The following MARCHF1 variants were observed in gnomAD, a reference collection of about 807,000 sequenced individuals.
The protein encoded by MARCHF1 is E3 ubiquitin-protein ligase MARCHF1.
MARCHF1 carries 40 observed loss-of-function variants against 54.2 expected under a neutral mutation model. The ratio of observed to expected loss-of-function variants is 0.74; its 90% CI spans 0.57 to 0.96. The LOEUF (loss-of-function observed/expected upper bound fraction) is 0.96. Ranked by LOEUF, MARCHF1 falls within the 40% of genes least tolerant of loss-of-function variation. The pLI is 0.00. For missense variants in MARCHF1, 586 were observed against 656.5 expected, an observed-to-expected ratio of 0.89 and a Z score of 1.17; for synonymous variants, 236 against 236.3, an observed-to-expected ratio of 1.00 and a Z score of 0.01.
At chr4:164,190,174 A>C (rs536190802) in intron 1 of MARCHF1, 1 of 1,566,896 alleles carries the variant, frequency 6.4e-7, no homozygotes, top group Admixed American at 1.9e-5. Context: ...GTAGAAGAAA[A>C]GATTGAATGG....
intron 1 of MARCHF1, among the ~76,000 whole-genome samples, chr4:164,114,420 C>A (rs906368780): frequency 6.6e-6 from 1 of 151,680 alleles, no homozygotes; most frequent in Non-Finnish European, 1.5e-5. Flanking sequence ...TACATAAACA[C>A]AATTAGCATT....
intron 3 of MARCHF1, among the ~76,000 whole-genome samples, chr4:163,940,551 T>C (rs4317163): frequency 0.85 from 128,589 of 152,100 alleles, 54,743 homozygotes; most frequent in East Asian, 0.93. Flanking sequence ...ATGTCCACCA[T>C]TGGATCTTTG....
intron 2 of MARCHF1, among the ~76,000 whole-genome samples, chr4:163,994,271 T>TGTGTGC (rs1444239862): frequency 1.3e-5 from 2 of 149,438 alleles, no homozygotes; most frequent in Non-Finnish European, 3.0e-5. Context: ...TGTGTGTGTG[T>TGTGTGC]GTGTGTGTGT....
intron 4 of MARCHF1, among the ~76,000 whole-genome samples, chr4:163,712,796 G>T (rs1040626948): frequency 1.3e-5 from 2 of 152,066 alleles, no homozygotes; most frequent in Non-Finnish European, 2.9e-5. Flanking sequence ...TTCAGGTTTT[G>T]CCCTCAGTGT....
chr4:164,031,226 GTA>G (rs1399984496), intron 2 of MARCHF1, among the ~76,000 whole-genome samples: 1 of 151,996 alleles, frequency 6.6e-6, no homozygotes, highest in Admixed American at 6.6e-5. Context: ...TTTTGGGATG[GTA>G]TATGTGTCCA....
At chr4:163,840,560 A>T (rs947900558) in intron 4 of MARCHF1, among the ~76,000 whole-genome samples, 1 of 152,032 alleles carries the variant, frequency 6.6e-6, no homozygotes, top group African/African-American at 2.4e-5. Context: ...CTTGAAAACG[A>T]GAAGGCAGAA....
intron 4 of MARCHF1, among the ~76,000 whole-genome samples, chr4:163,710,142 C>A (rs2111253640): frequency 6.6e-6 from 1 of 152,148 alleles, no homozygotes; most frequent in South Asian, 2.1e-4. Context: ...GCAATTGTGA[C>A]CAGAAGGCTA....
intron 1 of MARCHF1, among the ~76,000 whole-genome samples, chr4:164,245,358 A>T (rs550390338): frequency 1.5e-4 from 23 of 152,266 alleles, no homozygotes; most frequent in Non-Finnish European, 3.1e-4. Context: ...CCACATGATT[A>T]TCTCAATAGA....
intron 5 of MARCHF1, among the ~76,000 whole-genome samples, chr4:163,616,396 C>A (rs1021179078): frequency 6.6e-6 from 1 of 152,046 alleles, no homozygotes; most frequent in Non-Finnish European, 1.5e-5. Context: ...GGAACCCAAA[C>A]AGCTTAACAG....
intron 2 of MARCHF1, among the ~76,000 whole-genome samples, chr4:164,014,189 T>C (rs1305294920): frequency 1.3e-5 from 1 of 78,326 alleles, no homozygotes; most frequent in Non-Finnish European, 2.7e-5. Context: ...AGACTGCATC[T>C]CAAAAAAAAA....
intron 2 of MARCHF1, among the ~76,000 whole-genome samples, chr4:164,066,710 ATTT>A (rs1374764099): frequency 2.0e-5 from 3 of 152,198 alleles, no homozygotes; most frequent in Middle Eastern, 3.2e-3. Context: ...GAGATCATGT[ATTT>A]TGCAGGGACA....
intron 3 of MARCHF1, among the ~76,000 whole-genome samples, chr4:163,859,098 T>C (rs1749850210): frequency 6.6e-6 from 1 of 152,194 alleles, no homozygotes; most frequent in Non-Finnish European, 1.5e-5. Flanking sequence ...GAGGAGTTCT[T>C]TTCTGAATAA....
At chr4:164,201,962 C>T (rs1032563060) in intron 1 of MARCHF1, among the ~76,000 whole-genome samples, 2 of 152,178 alleles carry the variant, frequency 1.3e-5, no homozygotes, top group African/African-American at 2.4e-5. Flanking sequence ...TATGTTTCTA[C>T]TCAATTAAAC....
At chr4:163,934,399 T>G (rs537743607) in intron 3 of MARCHF1, among the ~76,000 whole-genome samples, 1 of 123,082 alleles carries the variant, frequency 8.1e-6, no homozygotes. Context: ...TCTCTGCAAT[T>G]TTTTTTTTAA....
At chr4:164,027,209 A>C (rs1463239995) in intron 2 of MARCHF1, among the ~76,000 whole-genome samples, 2 of 151,736 alleles carry the variant, frequency 1.3e-5, no homozygotes, top group African/African-American at 4.8e-5. Flanking sequence ...TACCAGCATA[A>C]TTTTTCACAG....
intron 2 of MARCHF1, among the ~76,000 whole-genome samples, chr4:164,062,598 C>G (rs2111071294): frequency 6.6e-6 from 1 of 152,232 alleles, no homozygotes; most frequent in East Asian, 1.9e-4. Flanking sequence ...GATCTCGGCT[C>G]ACTGCAACCT....
chr4:163,613,011 T>C lies in MARCHF1; in HGVS notation c.270A>G (p.Glu90=). The C allele has an allele frequency of 6.6e-7, 1 of 1,512,666 alleles. No individual in the cohort carries two copies. Among genetic ancestry groups the C allele is most frequent in the Non-Finnish European group, 8.8e-7 (1 of 1,139,056 alleles). The allele number at this position is 1,512,666 out of a possible 1,614,324, so 93.7% of individuals were successfully genotyped here. A position where few individuals can be genotyped will look rare whatever the true frequency, so the allele number is the denominator to read the frequency against. ...CRSAILHDMS[E]ESFEYCTPVM... The stretch of plus-strand genomic sequence containing the variant: ...CAGGGGTGCAATACTCAAATGACTC[T>C]TCTGACATGTCATGCAAGATGGCAG... The change falls in exon 7 of 10, where the codon GAA becomes GAG. Residue 90 remains glutamate (E), a synonymous_variant. Transcript: ENST00000514618.
chr4:164,194,333 CA>C (rs1731197048), intron 1 of MARCHF1, among the ~76,000 whole-genome samples: 1 of 152,020 alleles, frequency 6.6e-6, no homozygotes, highest in South Asian at 2.1e-4. Context: ...CTTTAAGAAA[CA>C]GATTAAGGGC....
At chr4:164,219,225 ATATT>A (rs201354333) in intron 1 of MARCHF1, among the ~76,000 whole-genome samples, 1 of 66,168 alleles carries the variant, frequency 1.5e-5, no homozygotes, top group Non-Finnish European at 2.6e-5. Context: ...TTAAAATTAA[ATATT>A]TATATAGTTA....
Sources: gnomAD v4.1 joint callset for allele counts (sites outside exome capture counted in the v4.1 genomes callset) on GRCh38, gnomAD v4.1.1 for gene constraint, MANE v1.5 for transcripts, NCBI Gene and HGNC (gene_info 2026-07-23, HGNC 2026-07-21) for gene names.